ZBTB44: variants seen among roughly 807,000 people sequenced by gnomAD.
ZBTB44 encodes the protein zinc finger and BTB domain-containing protein 44.
In ZBTB44, 15 loss-of-function variants were observed where a neutral mutation model predicts 54.0. The ratio of observed to expected loss-of-function variants is 0.28; its 90% CI spans 0.19 to 0.43. The LOEUF (loss-of-function observed/expected upper bound fraction) is 0.43, where lower values mean the gene tolerates loss of function less well. Ranked by LOEUF, ZBTB44 falls within the 20% of genes least tolerant of loss-of-function variation. The probability of loss-of-function intolerance (pLI) is 1.00; values close to 1 mark genes in which losing one functional copy is unlikely to be tolerated. For missense variants in ZBTB44, 487 were observed against 707.1 expected (o/e 0.69, Z 3.53); for synonymous variants, 230 against 250.1 (o/e 0.92, Z 0.76).
At chr11:130,275,284 CGTGA>C (rs576745715) in intron 1 of ZBTB44, among the ~76,000 whole-genome samples, 33 of 152,060 alleles carry the variant, frequency 2.2e-4, no homozygotes, top group African/African-American at 5.1e-4. Flanking sequence ...AACTACATAC[CGTGA>C]GTGTTTGTAA....
chr11:130,303,668 A>T (rs776216289), intron 1 of ZBTB44, among the ~76,000 whole-genome samples: 6 of 152,164 alleles, frequency 3.9e-5, no homozygotes, highest in Non-Finnish European at 8.8e-5. Flanking sequence ...AAAAACCCAA[A>T]AAAACACCCC....
chr11:130,294,609 G>GAA (rs1941522972), intron 1 of ZBTB44, among the ~76,000 whole-genome samples: 1 of 129,912 alleles, frequency 7.7e-6, no homozygotes, highest in Non-Finnish European at 1.6e-5. Context: ...CCATTATGTT[G>GAA]TTGTTTATAA....
At chr11:130,265,889 T>A (rs1939213268) in intron 1 of ZBTB44, among the ~76,000 whole-genome samples, 1 of 152,228 alleles carries the variant, frequency 6.6e-6, no homozygotes, top group Non-Finnish European at 1.5e-5. Flanking sequence ...AACATAAAAG[T>A]GCAAGGTGAA....
chr11:130,257,668 A>G (rs574812792), intron 2 of ZBTB44, among the ~76,000 whole-genome samples: 9 of 152,182 alleles, frequency 5.9e-5, no homozygotes, highest in East Asian at 1.9e-4. Flanking sequence ...TAAACCATTC[A>G]GTTTGCGGTA....
chr11:130,239,916 G>C lies in ZBTB44; in HGVS notation c.1019-20C>G, dbSNP rs773420981. On this transcript the variant is annotated intron_variant, in intron 2 of 7. Transcript: ENST00000357899. The stretch of plus-strand genomic sequence containing the variant: ...CTGAGCCTGTGAATAAGAGAAAGAG[G>C]ACCACTGTAATCCTTTGGTGTGAAT... The C allele has an allele frequency of 6.9e-6, 11 of 1,585,722 alleles. No individual in the cohort carries two copies. The African/African-American group carries it at 1.3e-4, about 19-fold the overall frequency.
chr11:130,259,393 G>A (rs1225990191), intron 2 of ZBTB44, among the ~76,000 whole-genome samples: 2 of 152,192 alleles, frequency 1.3e-5, no homozygotes, highest in African/African-American at 4.8e-5. Flanking sequence ...AAGACAGTGT[G>A]GCGATTCCTC....
intron 2 of ZBTB44, among the ~76,000 whole-genome samples, chr11:130,260,177 A>G (rs1052153230): frequency 6.6e-6 from 1 of 152,122 alleles, no homozygotes; most frequent in Admixed American, 6.5e-5. Flanking sequence ...ATCTCCCACT[A>G]TTCCCTACAG....
chr11:130,298,143 TTGA>T (rs1565333847), intron 1 of ZBTB44, among the ~76,000 whole-genome samples: 1 of 150,354 alleles, frequency 6.7e-6, no homozygotes, highest in Non-Finnish European at 1.5e-5. Context: ...ACAATAATAA[TTGA>T]TGATTTTTTT....
chr11:130,251,559 C>G (rs907923905), intron 2 of ZBTB44, among the ~76,000 whole-genome samples: 5 of 152,180 alleles, frequency 3.3e-5, no homozygotes, highest in Non-Finnish European at 7.3e-5. Flanking sequence ...GGTCAGGTTA[C>G]CTACAGAGGG....
intron 2 of ZBTB44, among the ~76,000 whole-genome samples, chr11:130,253,665 A>G (rs1435681283): frequency 1.3e-5 from 2 of 152,210 alleles, no homozygotes; most frequent in Admixed American, 1.3e-4. Context: ...TATAGATTCA[A>G]TGCCATCCCC....
intron 1 of ZBTB44, among the ~76,000 whole-genome samples, chr11:130,293,009 G>C (rs1941396519): frequency 6.6e-6 from 1 of 152,126 alleles, no homozygotes; most frequent in Non-Finnish European, 1.5e-5. Context: ...TTTTAGATTA[G>C]ATTTACATGA....
intron 2 of ZBTB44, among the ~76,000 whole-genome samples, chr11:130,251,394 T>C (rs1419570866): frequency 6.6e-6 from 1 of 152,100 alleles, no homozygotes; most frequent in Non-Finnish European, 1.5e-5. Flanking sequence ...CCAGGACAAC[T>C]TCCCCAACCT....
intron 1 of ZBTB44, among the ~76,000 whole-genome samples, chr11:130,302,705 G>A (rs758745352): frequency 6.6e-6 from 1 of 152,244 alleles, no homozygotes; most frequent in Non-Finnish European, 1.5e-5. Context: ...CGGGCGTGAT[G>A]GCTCACGCCT....
At chr11:130,297,423 C>T (rs1941715063) in intron 1 of ZBTB44, among the ~76,000 whole-genome samples, 1 of 152,228 alleles carries the variant, frequency 6.6e-6, no homozygotes, top group South Asian at 2.1e-4. Context: ...CTTTCGCCAA[C>T]TTACCTCTGC....
rs763783764 is a variant in ZBTB44, at chr11:130,261,499, T to C, written c.375A>G (p.Lys125=). 1 of 1,614,022 alleles carries C rather than the reference T, an allele frequency of 6.2e-7. No homozygotes were observed. Among genetic ancestry groups the C allele is most frequent in the Admixed American group, 1.7e-5 (1 of 60,020 alleles). ...TGGGTGTATTCCATAAAATGCTTGA[T>C]TTCATGAACTCTGAGCAGGTGCTGG... ...SVASTCSEFM[K]SSILWNTPNS... is the part of the protein sequence containing the mutation. The change falls in exon 2 of 8, where the codon AAA becomes AAG. Residue 125 remains lysine, a synonymous_variant. Coordinates refer to ENST00000357899, the MANE Select transcript of ZBTB44 (RefSeq NM_001301098.2). The surrounding 1 kb of genome is among the most constrained non-coding windows in gnomAD (Gnocchi z 4.8).
intron 1 of ZBTB44, among the ~76,000 whole-genome samples, chr11:130,306,423 A>T (rs1465158446): frequency 6.6e-6 from 1 of 151,654 alleles, no homozygotes; most frequent in Non-Finnish European, 1.5e-5. Flanking sequence ...AATGGCTTGA[A>T]CCCAGGAGGC....
chr11:130,255,235 T>A (rs1392920606), intron 2 of ZBTB44, among the ~76,000 whole-genome samples: 1 of 151,896 alleles, frequency 6.6e-6, no homozygotes, highest in Non-Finnish European at 1.5e-5. Context: ...AATAATAATA[T>A]AATAATAAAA....
Position 130,228,795 on chromosome 11 carries a change from T to G in ZBTB44, c.*2969A>C, listed in dbSNP as rs1591908905. 1.3e-5 allele frequency: 2 copies of G among 152,074 alleles called. No homozygotes were observed. 9.4% of individuals were successfully genotyped at this position (152,074 alleles called of 1,614,324 possible). A position where few individuals can be genotyped will look rare whatever the true frequency, so the allele number is the denominator to read the frequency against. Reference sequence around the variant, plus strand: ...TTAATAAAAGTCCTGACACTGGAGCTCCTCCCACCACTAGGCACCAATTTT... The same window carrying G: ...TTAATAAAAGTCCTGACACTGGAGCGCCTCCCACCACTAGGCACCAATTTT... On this transcript the variant is annotated 3_prime_UTR_variant, in exon 8 of 8. Coordinates refer to ENST00000357899, the MANE Select transcript of ZBTB44 (RefSeq NM_001301098.2).
intron 1 of ZBTB44, among the ~76,000 whole-genome samples, chr11:130,279,552 G>A (rs528279611): frequency 3.0e-4 from 46 of 152,168 alleles, no homozygotes; most frequent in Non-Finnish European, 1.5e-4. Context: ...CCAGCTAACC[G>A]GGATGCTGAG....
Sources: allele counts gnomAD v4.1 joint callset (sites outside exome capture counted in the v4.1 genomes callset), GRCh38; gene constraint gnomAD v4.1.1; non-coding constraint Gnocchi (gnomAD v3.1); transcripts MANE v1.5; gene names NCBI Gene and HGNC (gene_info 2026-07-23, HGNC 2026-07-21).